The following XKR9 variants were observed in gnomAD, a reference collection of about 807,000 sequenced individuals.
XKR9 encodes XK related 9.
XKR9 carries 32 observed loss-of-function variants against 32.0 expected under a neutral mutation model. That is an observed-to-expected ratio of 1.00 (90% CI 0.76 to 1.34). The LOEUF is 1.34. XKR9 is among the 40% of genes most tolerant of loss of function. XKR9 has a pLI of 0.00. For missense variants in XKR9, 546 were observed against 429.7 expected (o/e 1.27, Z -2.39); for synonymous variants, 168 against 143.4 (o/e 1.17, Z -1.22).
At chr8:71,046,148 C>A in the XKR9 span, among the ~76,000 whole-genome samples, 9 of 152,244 alleles carry the variant, frequency 5.9e-5, no homozygotes, top group South Asian at 1.9e-3. Flanking sequence ...AAATAAAAAC[C>A]AATATCTCAC....
chr8:70,705,782 G>T (rs1805698692), intron 3 of XKR9, among the ~76,000 whole-genome samples: 1 of 152,178 alleles, frequency 6.6e-6, no homozygotes, highest in Non-Finnish European at 1.5e-5. Context: ...TCTGAATGCT[G>T]TGTAGGGAAT....
chr8:70,856,468 T>A, the XKR9 span, among the ~76,000 whole-genome samples: 1 of 152,032 alleles, frequency 6.6e-6, no homozygotes, highest in East Asian at 1.9e-4. Flanking sequence ...ACCAGATTCA[T>A]AAAGCAAGTC....
chr8:70,869,506 A>G, the XKR9 span, among the ~76,000 whole-genome samples: 2 of 152,010 alleles, frequency 1.3e-5, no homozygotes, highest in African/African-American at 4.8e-5. Flanking sequence ...CACAGAAAAA[A>G]CCTGCCCCCA....
chr8:71,023,416 T>C, the XKR9 span, among the ~76,000 whole-genome samples: 1 of 152,256 alleles, frequency 6.6e-6, no homozygotes. Context: ...GCTTAAGTTA[T>C]GTTTTCTTAG....
the XKR9 span, among the ~76,000 whole-genome samples, chr8:71,046,662 GT>G: frequency 6.6e-6 from 1 of 152,124 alleles, no homozygotes; most frequent in Non-Finnish European, 1.5e-5. Flanking sequence ...TACCTGTATG[GT>G]TTTTTCTTAG....
At chr8:70,819,746 C>T in the XKR9 span, among the ~76,000 whole-genome samples, 2 of 152,236 alleles carry the variant, frequency 1.3e-5, no homozygotes, top group East Asian at 3.9e-4. Flanking sequence ...GGTTTTCTCT[C>T]CCTTTCTGTA....
chr8:70,717,871 C>G (rs1267473787), intron 4 of XKR9, among the ~76,000 whole-genome samples: 3 of 152,106 alleles, frequency 2.0e-5, no homozygotes, highest in Non-Finnish European at 4.4e-5. Context: ...GAATGCTTTG[C>G]TGCTTAGAAA....
At chr8:70,718,399 C>T (rs929041534) in intron 4 of XKR9, among the ~76,000 whole-genome samples, 8 of 151,988 alleles carry the variant, frequency 5.3e-5, no homozygotes, top group Non-Finnish European at 4.4e-5. Flanking sequence ...TGGTTTGCTG[C>T]ACATATTATC....
the XKR9 span, among the ~76,000 whole-genome samples, chr8:70,999,003 T>C: frequency 6.6e-6 from 1 of 152,182 alleles, no homozygotes; most frequent in East Asian, 1.9e-4. Flanking sequence ...TGGTCCTCCA[T>C]ATCCATGGAA....
At chr8:70,939,782 A>G in the XKR9 span, among the ~76,000 whole-genome samples, 1 of 152,004 alleles carries the variant, frequency 6.6e-6, no homozygotes, top group African/African-American at 2.4e-5. Context: ...GACATGGTCC[A>G]TATGTTTTAA....
intron 2 of XKR9, among the ~76,000 whole-genome samples, chr8:70,680,306 T>C (rs756340910): frequency 1.3e-5 from 2 of 152,108 alleles, no homozygotes; most frequent in African/African-American, 2.4e-5. Flanking sequence ...AATATTTCGC[T>C]CTTATAAAAA....
the XKR9 span, among the ~76,000 whole-genome samples, chr8:71,019,969 G>T: frequency 0.58 from 87,668 of 151,976 alleles, 26,491 homozygotes; most frequent in African/African-American, 0.67. Flanking sequence ...TTTAGGCAGG[G>T]TACTATTTTT....
the XKR9 span, among the ~76,000 whole-genome samples, chr8:70,798,043 A>G: frequency 6.6e-6 from 1 of 152,182 alleles, no homozygotes; most frequent in African/African-American, 2.4e-5. Context: ...TGGTAGAATG[A>G]TTTATATTCC....
chr8:70,752,639 T>A (rs539577230), intron 2 of XKR9, among the ~76,000 whole-genome samples: 62 of 152,032 alleles, frequency 4.1e-4, no homozygotes, highest in African/African-American at 1.5e-3. Flanking sequence ...TCCACATGAG[T>A]TTTGGTGGGG....
At chr8:70,692,107 A>T (rs1805094540) in intron 3 of XKR9, among the ~76,000 whole-genome samples, 1 of 151,924 alleles carries the variant, frequency 6.6e-6, no homozygotes, top group African/African-American at 2.4e-5. Flanking sequence ...TGTCATTCTC[A>T]CTGTAGAGAT....
downstream of XKR9, among the ~76,000 whole-genome samples, chr8:70,794,849 G>GTGTGTGTGT (rs1563483072): frequency 6.6e-6 from 1 of 150,478 alleles, no homozygotes; most frequent in Non-Finnish European, 1.5e-5. Context: ...GTGTGTGTGT[G>GTGTGTGTGT]GTATATTTGT....
At chr8:70,925,079 T>C in the XKR9 span, among the ~76,000 whole-genome samples, 5 of 152,336 alleles carry the variant, frequency 3.3e-5, no homozygotes, top group Admixed American at 6.5e-5. Context: ...ATTCTATGCC[T>C]CTCTTGTACT....
At chr8:70,786,436 G>T (rs961652831) in intron 2 of XKR9, among the ~76,000 whole-genome samples, 1 of 151,948 alleles carries the variant, frequency 6.6e-6, no homozygotes, top group African/African-American at 2.4e-5. Flanking sequence ...TTTAATATTT[G>T]TTTTATATAT....
chr8:70,744,123 C>G (rs1384167018), intron 2 of XKR9, among the ~76,000 whole-genome samples: 2 of 151,866 alleles, frequency 1.3e-5, no homozygotes, highest in East Asian at 3.9e-4. Flanking sequence ...CCACTCTGGT[C>G]AACATGATGA....
Sources: allele counts gnomAD v4.1 joint callset (sites outside exome capture counted in the v4.1 genomes callset), GRCh38; gene constraint gnomAD v4.1.1; transcripts MANE v1.5; gene names NCBI Gene and HGNC (gene_info 2026-07-23, HGNC 2026-07-21).